PATJ: variants seen among roughly 807,000 people sequenced by gnomAD.
PATJ encodes the protein inaD-like protein.
A neutral mutation model predicts 224.9 loss-of-function variants in PATJ; 190 were observed. The ratio of observed to expected loss-of-function variants is 0.84; its 90% confidence interval spans 0.75 to 0.95. The LOEUF (loss-of-function observed/expected upper bound fraction) is 0.95, where lower values mean the gene tolerates loss of function less well. Ranked by LOEUF, PATJ falls within the 40% of genes least tolerant of loss-of-function variation. PATJ has a pLI of 0.00. For missense variants in PATJ, 2,121 were observed against 2,270.3 expected (o/e 0.93, Z 1.34); for synonymous variants, 769 against 820.3 (o/e 0.94, Z 1.07).
intron 29 of PATJ, among the ~76,000 whole-genome samples, chr1:62,024,176 C>T (rs190892530): frequency 6.6e-6 from 1 of 152,274 alleles, no homozygotes; most frequent in East Asian, 1.9e-4. Context: ...TGTTGTGTCT[C>T]TGCCAGATTT....
chr1:61,763,634 A>G (rs1646094578), intron 3 of PATJ, among the ~76,000 whole-genome samples: 1 of 152,074 alleles, frequency 6.6e-6, no homozygotes, highest in Non-Finnish European at 1.5e-5. Flanking sequence ...CATCTTCAAA[A>G]CTATAAAATA....
intron 31 of PATJ, among the ~76,000 whole-genome samples, chr1:62,063,069 A>G (rs559902194): frequency 6.6e-6 from 1 of 152,298 alleles, no homozygotes; most frequent in Admixed American, 6.5e-5. Context: ...ACTCAGTTAC[A>G]AATTCTTTGT....
At position 62,117,747 on chromosome 1, in the gene PATJ, T is replaced by C. The variant is rs1414532736; in HGVS notation, c.4890+529T>C. 1.2e-4 allele frequency among the ~76,000 whole-genome samples: 18 copies of C among 145,648 alleles called. 1 individual carries two copies. Among genetic ancestry groups the C allele is most frequent in the Middle Eastern group, 3.4e-3 (1 of 294 alleles). On this transcript the variant is annotated intron_variant, in intron 37 of 43. Coordinates refer to ENST00000642238, the MANE Select transcript of PATJ (RefSeq NM_001350145.3). ...ATCTTATATTTATTTGCAAAGCTGA[T>C]GTAAGTGCCATTTTTTTTTAGCAAA...
At chr1:61,923,112 A>T (rs567696858) in intron 26 of PATJ, among the ~76,000 whole-genome samples, 1 of 152,252 alleles carries the variant, frequency 6.6e-6, no homozygotes, top group Non-Finnish European at 1.5e-5. Context: ...GCCCAGTAAT[A>T]CCAAAAGTCA....
intron 11 of PATJ, 71 bp downstream of exon 11, chr1:61,797,499 G>A: frequency 1.5e-6 from 2 of 1,326,622 alleles, no homozygotes; most frequent in Non-Finnish European, 2.1e-6. Flanking sequence ...TATGGAAGTT[G>A]CTCCATGAGT....
chr1:61,899,636 A>C lies in PATJ; in HGVS notation c.3185A>C (p.His1062Pro). Reference sequence around the variant, plus strand: ...GGAGAAGAAACTCCAAATTTTAGCCACTGGGGTCCACCGAGAATGTATGTG... The same window carrying C: ...GGAGAAGAAACTCCAAATTTTAGCCCCTGGGGTCCACCGAGAATGTATGTG... ...GEGEETPNFS[H>P]WGPPRIVEIF... Residue 1062 changes from histidine to proline, a missense_variant, in exon 23 of 44, where the codon CAC becomes CCC. Transcript: ENST00000642238. The C allele has an allele frequency of 1.2e-6, 2 of 1,605,434 alleles. No homozygotes were observed. The highest frequency in any genetic ancestry group is 8.5e-7 in the Non-Finnish European group (1 of 1,175,830).
chr1:62,061,096 G>T (rs1292187070), intron 31 of PATJ, among the ~76,000 whole-genome samples: 2 of 152,054 alleles, frequency 1.3e-5, no homozygotes, highest in Non-Finnish European at 2.9e-5. Flanking sequence ...TGTGAGCGCA[G>T]TCCCCAGTAG....
Position 61,796,680 on chromosome 1 carries a change from TTCTTTCTTTCTTTC to T in PATJ, c.1261-605_1261-592del, listed in dbSNP as rs1282614621. On this transcript the variant is annotated intron_variant, in intron 10 of 43. Coordinates refer to ENST00000642238, the MANE Select transcript of PATJ (RefSeq NM_001350145.3). The stretch of plus-strand genomic sequence containing the variant: ...TTATTTTCTTTCTTTCTTTCTTTCT[TTCTTTCTTTCTTTC>T]TTTCTTTCTTTCTTTCTTTCTTTCT... Among the ~76,000 whole-genome samples, 133 of 39,910 alleles carry T rather than the reference TTCTTTCTTTCTTTC, an allele frequency of 3.3e-3. 3 individuals carry two copies. Among genetic ancestry groups the T allele is most frequent in the African/African-American group, 8.9e-3 (123 of 13,858 alleles). The allele number at this position is 39,910 out of a possible 152,430, so 26.2% of individuals were successfully genotyped here.
In PATJ at chr1:61,976,443, G is replaced by A. The variant is rs145110916; in HGVS notation, c.3671-13725G>A. The stretch of plus-strand genomic sequence containing the variant: ...TTTATTGAGATGGAGTCTTGCTCTT[G>A]TTGCCCAGGCTGGAGTGCAATGGCA... On this transcript the variant is annotated intron_variant, in intron 27 of 43. Coordinates refer to ENST00000642238, the MANE Select transcript of PATJ (RefSeq NM_001350145.3). 7.9e-4 allele frequency among the ~76,000 whole-genome samples: 120 copies of A among 152,094 alleles called. 3 individuals are homozygous for A. The East Asian group carries it at 0.021, about 27-fold the overall frequency.
intron 21 of PATJ, among the ~76,000 whole-genome samples, chr1:61,879,737 C>T (rs1450555911): frequency 1.3e-5 from 2 of 151,852 alleles, no homozygotes; most frequent in Non-Finnish European, 2.9e-5. Flanking sequence ...TTTCATCAAG[C>T]CTCCTCCTTT....
At chr1:62,129,041 G>T in intron 41 of PATJ, 96 bp downstream of exon 41, 1 of 739,552 alleles carries the variant, frequency 1.4e-6, no homozygotes, top group Non-Finnish European at 2.3e-6. Context: ...CCACCCAGCA[G>T]GGTGCTTGCT....
chr1:61,930,009 G>A (rs1675785012), intron 27 of PATJ, among the ~76,000 whole-genome samples: 1 of 152,210 alleles, frequency 6.6e-6, no homozygotes, highest in Admixed American at 6.5e-5. Flanking sequence ...GGTCAGGAAG[G>A]AGGCTAATTT....
chr1:61,966,580 G>A (rs1455018660), intron 27 of PATJ, among the ~76,000 whole-genome samples: 1 of 152,010 alleles, frequency 6.6e-6, no homozygotes, highest in East Asian at 1.9e-4. Flanking sequence ...CAGCTACTCA[G>A]GAGGCTGAGG....
intron 41 of PATJ, among the ~76,000 whole-genome samples, chr1:62,131,386 C>A (rs1382781101): frequency 1.3e-5 from 2 of 152,160 alleles, no homozygotes; most frequent in Non-Finnish European, 2.9e-5. Context: ...CAAATGGTAA[C>A]TGACCAGAAA....
Position 61,787,862 on chromosome 1 carries a change from G to A in PATJ, c.958G>A (p.Val320Ile), listed in dbSNP as rs1312806950. 3 of 1,614,186 alleles carry A rather than the reference G, an allele frequency of 1.9e-6. No homozygotes were observed. The highest frequency in any genetic ancestry group is 1.3e-5 in the African/African-American group (1 of 75,064). Residue 320 changes from valine to isoleucine, a missense_variant, in exon 8 of 44, where the codon GTC becomes ATC. Val to Ile is a conservative substitution (Grantham distance 29). Coordinates refer to ENST00000642238, the MANE Select transcript of PATJ (RefSeq NM_001350145.3). ...AQVLRNCGNS[V>I]RMLVARDPAG... is the part of the protein sequence containing the mutation. The stretch of plus-strand genomic sequence containing the variant: ...AGTTCTAAGGAACTGTGGGAATTCA[G>A]TCAGGATGCTCGTTGCTAGAGATCC...
chr1:62,153,104 TTA>T (rs1336009554), intron 42 of PATJ, among the ~76,000 whole-genome samples: 1 of 152,156 alleles, frequency 6.6e-6, no homozygotes, highest in African/African-American at 2.4e-5. Context: ...CATCATGACT[TTA>T]TCTTTAATTA....
At chr1:61,832,217 G>T (rs1390852986) in intron 16 of PATJ, among the ~76,000 whole-genome samples, 2 of 152,050 alleles carry the variant, frequency 1.3e-5, no homozygotes, top group African/African-American at 4.8e-5. Context: ...AAAACTACCT[G>T]TCAGGCACTA....
rs575345904 is a variant in PATJ, at chr1:62,095,074, A to G, written c.4377+10426A>G. Among the ~76,000 whole-genome samples, 34 of 152,304 alleles carry G rather than the reference A, an allele frequency of 2.2e-4. No homozygotes were observed. The South Asian group carries it at 4.1e-3, about 19-fold the overall frequency. On this transcript the variant is annotated intron_variant, in intron 33 of 43. Transcript: ENST00000642238. Reference sequence around the variant, plus strand: ...ACAGAAACAATTATCTGTTCAACCTATGGAGCTGGCAGGCAAAACAACATC... The same window carrying G: ...ACAGAAACAATTATCTGTTCAACCTGTGGAGCTGGCAGGCAAAACAACATC...
chr1:62,103,248 A>G (rs987237556), intron 33 of PATJ, among the ~76,000 whole-genome samples: 2 of 152,202 alleles, frequency 1.3e-5, no homozygotes, highest in Non-Finnish European at 2.9e-5. Context: ...GTGTTAAACA[A>G]TCCTGAGATG....
Sources: allele counts gnomAD v4.1 joint callset (sites outside exome capture counted in the v4.1 genomes callset), GRCh38; gene constraint gnomAD v4.1.1; transcripts MANE v1.5; gene names NCBI Gene and HGNC (gene_info 2026-07-23, HGNC 2026-07-21).